Variants in RASSF8 observed in about 807,000 individuals in gnomAD.
The protein encoded by RASSF8 is Ras association domain family member 8.
In RASSF8, 22 loss-of-function variants were observed where a neutral mutation model predicts 48.5. That is an observed-to-expected ratio of 0.45 (90% CI 0.32 to 0.65). The LOEUF is 0.65. RASSF8 is among the 30% of genes least tolerant of loss of function. RASSF8 has a pLI of 0.03. For synonymous variants in RASSF8, 127 were observed against 171.5 expected (o/e 0.74, Z 2.03); for missense variants, 418 against 489.2 (o/e 0.85, Z 1.37).
rs192547948 is a variant in RASSF8, at chr12:25,992,586, C to G, written c.-202-2451C>G. On this transcript the variant is annotated intron_variant, in intron 1 of 5. Transcript: ENST00000689635. ...TCTTGGAGAGTGAGTTGGAGTTTGG[C>G]CAGCACAAAAATTTGGTAAGGCCCG... Among the ~76,000 whole-genome samples the G allele has an allele frequency of 3.0e-3, 458 of 152,030 alleles. 3 individuals are homozygous for G. Among genetic ancestry groups the G allele is most frequent in the African/African-American group, 0.011 (444 of 41,452 alleles).
chr12:26,041,077 A>G lies in RASSF8; in HGVS notation c.-108-14159A>G, dbSNP rs1017637921. 1.3e-4 allele frequency among the ~76,000 whole-genome samples: 19 copies of G among 151,556 alleles called. No individual in the cohort carries two copies. The South Asian group carries it at 1.5e-3, about 12-fold the overall frequency. ...TAATTTTTTTTTTTGTATTTTTAGT[A>G]GAGACGGGGTTTCACCTTGTTAGCC... On this transcript the variant is annotated intron_variant, in intron 2 of 5. Transcript: ENST00000689635.
intron 2 of RASSF8, among the ~76,000 whole-genome samples, chr12:26,018,924 A>G (rs1424106660): frequency 6.6e-6 from 1 of 152,232 alleles, no homozygotes; most frequent in East Asian, 1.9e-4. Context: ...TGGTCCTCCC[A>G]TGCATCATGG....
chr12:26,031,953 A>G (rs1175765080), intron 2 of RASSF8, among the ~76,000 whole-genome samples: 1 of 152,122 alleles, frequency 6.6e-6, no homozygotes, highest in Admixed American at 6.5e-5. Flanking sequence ...AGTTACTTTG[A>G]TGAAATACAT....
At chr12:25,988,161 G>A (rs1020223470) in intron 1 of RASSF8, among the ~76,000 whole-genome samples, 83 of 151,962 alleles carry the variant, frequency 5.5e-4, no homozygotes, top group African/African-American at 1.9e-3. Flanking sequence ...ACGCCTGGTC[G>A]AAATTAATGT....
chr12:26,062,616 A>G (rs900873846), intron 3 of RASSF8, among the ~76,000 whole-genome samples: 3 of 152,176 alleles, frequency 2.0e-5, no homozygotes, highest in Admixed American at 6.5e-5. Context: ...TCTACTCCAG[A>G]ACCTTTGTCC....
In RASSF8 at chr12:26,060,515, C is replaced by T. The variant is rs562751823; in HGVS notation, c.104-3983C>T. On this transcript the variant is annotated intron_variant, in intron 3 of 5. Transcript: ENST00000689635. Reference sequence around the variant, plus strand: ...ATTTCTTCACTGATAAGATGAGGATCGTAATATCTATACTGCTTAACTCAC... The same window carrying T: ...ATTTCTTCACTGATAAGATGAGGATTGTAATATCTATACTGCTTAACTCAC... 1.4e-4 allele frequency among the ~76,000 whole-genome samples: 22 copies of T among 152,180 alleles called. 1 individual carries two copies. The highest frequency in any genetic ancestry group is 1.9e-4 in the East Asian group (1 of 5,174).
intron 2 of RASSF8, among the ~76,000 whole-genome samples, chr12:25,996,711 C>A (rs115010863): frequency 1.3e-5 from 2 of 152,104 alleles, no homozygotes; most frequent in Non-Finnish European, 2.9e-5. Flanking sequence ...GCTTTGTTTC[C>A]CTTTTTTGAA....
At chr12:25,992,689 G>C (rs1942042029) in intron 1 of RASSF8, among the ~76,000 whole-genome samples, 1 of 152,188 alleles carries the variant, frequency 6.6e-6, no homozygotes, top group Admixed American at 6.5e-5. Flanking sequence ...GGTGGCTTCA[G>C]GGGAGGCACT....
intron 2 of RASSF8, among the ~76,000 whole-genome samples, chr12:26,053,274 CT>C (rs1565638703): frequency 6.6e-6 from 1 of 151,366 alleles, no homozygotes; most frequent in Non-Finnish European, 1.5e-5. Context: ...CCCTTTCTTG[CT>C]TGATTTCCCA....
intron 2 of RASSF8, among the ~76,000 whole-genome samples, chr12:26,027,580 A>G (rs1592282886): frequency 1.3e-5 from 2 of 152,226 alleles, no homozygotes. Flanking sequence ...TTTATGATTA[A>G]CCAGCCAGTT....
intron 1 of RASSF8, among the ~76,000 whole-genome samples, chr12:25,960,804 C>T (rs1941213694): frequency 6.6e-6 from 1 of 152,096 alleles, no homozygotes; most frequent in Non-Finnish European, 1.5e-5. Context: ...ATTAGAGGGC[C>T]CTGAGAGGGA....
rs187324333 is a variant in RASSF8, at chr12:26,000,388, T to C, written c.-109+5258T>C. Among the ~76,000 whole-genome samples the C allele has an allele frequency of 3.1e-3, 479 of 152,300 alleles. 5 individuals carry two copies. Among genetic ancestry groups the C allele is most frequent in the African/African-American group, 0.011 (455 of 41,566 alleles). On this transcript the variant is annotated intron_variant, in intron 2 of 5. Coordinates refer to ENST00000689635, the MANE Select transcript of RASSF8 (RefSeq NM_001394098.1). ...GAATAATTCCTATGTGTAATGATAC[T>C]AAAAATTAAAATAATTTAATTTTGC...
At chr12:25,961,036 C>T (rs187695915) in intron 1 of RASSF8, among the ~76,000 whole-genome samples, 1 of 152,268 alleles carries the variant, frequency 6.6e-6, no homozygotes, top group Non-Finnish European at 1.5e-5. Flanking sequence ...TTTAAGGTTG[C>T]AACCTTTTAA....
At chr12:26,046,746 C>T (rs963244784) in intron 2 of RASSF8, among the ~76,000 whole-genome samples, 1 of 152,160 alleles carries the variant, frequency 6.6e-6, no homozygotes, top group Non-Finnish European at 1.5e-5. Context: ...TTGCTAGATT[C>T]AGTAAAAGCA....
chr12:26,004,266 T>C (rs768254062), intron 2 of RASSF8, among the ~76,000 whole-genome samples: 1 of 152,208 alleles, frequency 6.6e-6, no homozygotes, highest in Non-Finnish European at 1.5e-5. Context: ...GGGATGAATA[T>C]ACTGAACTCC....
intron 2 of RASSF8, among the ~76,000 whole-genome samples, chr12:26,045,706 G>A (rs1943358671): frequency 6.6e-6 from 1 of 152,138 alleles, no homozygotes; most frequent in Non-Finnish European, 1.5e-5. Flanking sequence ...TAAATGAGAA[G>A]TCCATAGTCA....
chr12:25,990,046 A>G (rs1490736503), intron 1 of RASSF8, among the ~76,000 whole-genome samples: 1 of 151,804 alleles, frequency 6.6e-6, no homozygotes, highest in African/African-American at 2.4e-5. Context: ...AACTGGGCAG[A>G]GTGGTGCCTG....
chr12:26,025,644 A>G (rs1942895559), intron 2 of RASSF8, among the ~76,000 whole-genome samples: 2 of 152,034 alleles, frequency 1.3e-5, no homozygotes, highest in Non-Finnish European at 2.9e-5. Flanking sequence ...TTGCATATGG[A>G]AAAATCTTAA....
rs998917266 is a variant in RASSF8 at position 26,069,375 on chromosome 12, T to C, written c.*557T>C. ...AACTCCACAGGAAGCCACTTGCATT[T>C]GTTTTGTGAAACTGTCCTAGCCATT... On this transcript the variant is annotated 3_prime_UTR_variant, in exon 6 of 6. Coordinates refer to ENST00000689635, the MANE Select transcript of RASSF8 (RefSeq NM_001394098.1). 121 of 985,062 alleles carry C rather than the reference T, an allele frequency of 1.2e-4. No homozygotes were observed. Among genetic ancestry groups the C allele is most frequent in the Non-Finnish European group, 1.5e-4 (121 of 829,674 alleles). 61.0% of individuals were successfully genotyped at this position (985,062 alleles called of 1,614,324 possible). A position where few individuals can be genotyped will look rare whatever the true frequency, so the allele number is the denominator to read the frequency against.
Sources: gnomAD v4.1 joint callset for allele counts (sites outside exome capture counted in the v4.1 genomes callset) on GRCh38, gnomAD v4.1.1 for gene constraint, MANE v1.5 for transcripts, NCBI Gene and HGNC (gene_info 2026-07-23, HGNC 2026-07-21) for gene names.